Variants in KCNK2 observed in about 807,000 individuals in gnomAD.
The protein encoded by KCNK2 is potassium two pore domain channel subfamily K member 2.
Under a neutral mutation model 40.5 loss-of-function variants are expected in KCNK2, and 21 were observed. That is an observed-to-expected ratio of 0.52 (90% CI 0.37 to 0.75). The LOEUF is 0.75. KCNK2 is among the 30% of genes least tolerant of loss of function. The pLI is 0.00. For synonymous variants in KCNK2, 191 were observed against 202.2 expected (o/e 0.94, Z 0.47); for missense variants, 399 against 531.6 (o/e 0.75, Z 2.45).
chr1:215,226,688 C>A (rs1211570514), intron 6 of KCNK2, among the ~76,000 whole-genome samples: 1 of 151,844 alleles, frequency 6.6e-6, no homozygotes, highest in Non-Finnish European at 1.5e-5. Context: ...TCTGGAATAG[C>A]CTGGTGAGAT....
At chr1:215,170,070 G>C (rs750696098) in intron 4 of KCNK2, among the ~76,000 whole-genome samples, 1 of 152,066 alleles carries the variant, frequency 6.6e-6, no homozygotes, top group Non-Finnish European at 1.5e-5. Flanking sequence ...TCACTCTGAG[G>C]GTAGGTGGCA....
In KCNK2 at chr1:215,053,140, G is replaced by C. The variant is rs367950281; in HGVS notation, c.35-33228G>C. Among the ~76,000 whole-genome samples the C allele has an allele frequency of 5.1e-4, 77 of 152,062 alleles. 1 individual carries two copies. Among genetic ancestry groups the C allele is most frequent in the African/African-American group, 1.8e-3 (74 of 41,384 alleles). ...ATATATGTGCAGGACGTGCAGGTTAGTTCAGCCATTTAACGATGAGTCCGT... is the reference window on the plus strand; with the variant it reads ...ATATATGTGCAGGACGTGCAGGTTACTTCAGCCATTTAACGATGAGTCCGT... On this transcript the variant is annotated intron_variant, in intron 1 of 6. Coordinates refer to the KCNK2 transcript ENST00000391895.
intron 1 of KCNK2, among the ~76,000 whole-genome samples, chr1:215,012,925 CT>C (rs572138316): frequency 6.6e-6 from 1 of 151,940 alleles, no homozygotes; most frequent in Non-Finnish European, 1.5e-5. Flanking sequence ...CATACTCTTG[CT>C]GTCATAGTTA....
intron 2 of KCNK2, among the ~76,000 whole-genome samples, chr1:215,117,935 CAT>C (rs1183415039): frequency 6.6e-6 from 1 of 152,074 alleles, no homozygotes; most frequent in Non-Finnish European, 1.5e-5. Context: ...AAGACTGCCA[CAT>C]GTTACTGATG....
chr1:215,214,848 A>G (rs1252349086), intron 6 of KCNK2, among the ~76,000 whole-genome samples: 2 of 151,858 alleles, frequency 1.3e-5, no homozygotes, highest in Non-Finnish European at 2.9e-5. Context: ...AAATTGAAAA[A>G]CCAAAAACCA....
At position 215,083,201 on chromosome 1, in the gene KCNK2, C is replaced by CCCCT; in HGVS notation, c.-183_-182insCTCC. 1 of 753,662 alleles carries CCCCT rather than the reference C, an allele frequency of 1.3e-6. No homozygotes were observed. The allele number at this position is 753,662 out of a possible 1,614,324, so 46.7% of individuals were successfully genotyped here. On this transcript the variant is annotated 5_prime_UTR_variant, in exon 1 of 7. Coordinates refer to ENST00000444842, the MANE Select transcript of KCNK2 (RefSeq NM_001017425.3). The stretch of plus-strand genomic sequence containing the variant: ...TTTCGTTTCTTCTCACGCTCCCCCC[C>CCCCT]CCGCCCCCTCCCGCGTCCAGCCCCG...
At chr1:215,156,801 A>G (rs1558117044) in intron 3 of KCNK2, among the ~76,000 whole-genome samples, 1 of 152,118 alleles carries the variant, frequency 6.6e-6, no homozygotes. Flanking sequence ...AGTGCAACAC[A>G]CTTTTAAACC....
At chr1:215,129,947 C>T (rs1661595603) in intron 3 of KCNK2, among the ~76,000 whole-genome samples, 1 of 152,152 alleles carries the variant, frequency 6.6e-6, no homozygotes. Context: ...CCCAGAGCTC[C>T]TAGAAACCTT....
At chr1:215,114,257 C>G (rs1433174035) in intron 2 of KCNK2, among the ~76,000 whole-genome samples, 1 of 152,060 alleles carries the variant, frequency 6.6e-6, no homozygotes. Context: ...TGAATGAAGA[C>G]AAACAATACA....
intron 5 of KCNK2, among the ~76,000 whole-genome samples, chr1:215,183,084 C>A (rs1381999669): frequency 6.6e-6 from 1 of 152,156 alleles, no homozygotes; most frequent in East Asian, 1.9e-4. Flanking sequence ...AGTGAATTCT[C>A]ATTTTCCTTC....
intron 1 of KCNK2, among the ~76,000 whole-genome samples, chr1:215,018,509 A>G (rs1333360450): frequency 6.6e-6 from 1 of 152,216 alleles, no homozygotes; most frequent in Admixed American, 6.5e-5. Flanking sequence ...GCATGAGTTC[A>G]TGATGATAAG....
intron 6 of KCNK2, among the ~76,000 whole-genome samples, chr1:215,226,949 T>A (rs1441391114): frequency 6.6e-6 from 1 of 152,184 alleles, no homozygotes; most frequent in Non-Finnish European, 1.5e-5. Context: ...TATGAGTCAG[T>A]GCTTTTCACC....
At chr1:215,098,649 AT>A (rs1660080929) in intron 2 of KCNK2, among the ~76,000 whole-genome samples, 1 of 151,938 alleles carries the variant, frequency 6.6e-6, no homozygotes. Context: ...TTTTATCTAC[AT>A]TTTTTAACTG....
intron 3 of KCNK2, among the ~76,000 whole-genome samples, chr1:215,126,627 G>C (rs1661448773): frequency 1.3e-5 from 2 of 152,022 alleles, no homozygotes; most frequent in South Asian, 2.1e-4. Flanking sequence ...CTGTTGCCCT[G>C]TATGTTTATA....
chr1:215,210,812 G>A (rs1390173325), intron 6 of KCNK2, among the ~76,000 whole-genome samples: 1 of 151,800 alleles, frequency 6.6e-6, no homozygotes, highest in African/African-American at 2.4e-5. Flanking sequence ...ATTTAACTGG[G>A]TGAACTGGAG....
chr1:215,212,202 G>A (rs978009578), intron 6 of KCNK2, among the ~76,000 whole-genome samples: 4 of 152,048 alleles, frequency 2.6e-5, no homozygotes, highest in African/African-American at 9.7e-5. Flanking sequence ...ATGGCTGGAA[G>A]CTTTTTTGCA....
At chr1:215,165,711 A>G (rs1053912556) in intron 3 of KCNK2, among the ~76,000 whole-genome samples, 1 of 152,148 alleles carries the variant, frequency 6.6e-6, no homozygotes, top group African/African-American at 2.4e-5. Context: ...TGCCCAGGTA[A>G]CTAAGGAGTG....
chr1:215,106,726 C>T (rs1397102743), intron 2 of KCNK2, among the ~76,000 whole-genome samples: 1 of 152,038 alleles, frequency 6.6e-6, no homozygotes, highest in Non-Finnish European at 1.5e-5. Context: ...TGAGGTTTTA[C>T]TTTTAACATT....
intron 2 of KCNK2, among the ~76,000 whole-genome samples, chr1:215,111,064 G>A (rs566214933): frequency 6.6e-6 from 1 of 152,130 alleles, no homozygotes; most frequent in Non-Finnish European, 1.5e-5. Context: ...TTTTCAGAAT[G>A]TCATATAGTT....
Sources: gnomAD v4.1 joint callset for allele counts (sites outside exome capture counted in the v4.1 genomes callset) on GRCh38, gnomAD v4.1.1 for gene constraint, MANE v1.5 for transcripts, NCBI Gene and HGNC (gene_info 2026-07-23, HGNC 2026-07-21) for gene names.